MCF2L2: variants seen among roughly 807,000 people sequenced by gnomAD.
The protein encoded by MCF2L2 is probable guanine nucleotide exchange factor MCF2L2.
A neutral mutation model predicts 150.2 loss-of-function variants in MCF2L2; 102 were observed. The ratio of observed to expected loss-of-function variants is 0.68; its 90% CI spans 0.58 to 0.80. The LOEUF is 0.80. MCF2L2 is among the 30% of genes least tolerant of loss of function. MCF2L2 has a pLI of 0.00. For synonymous variants in MCF2L2, 465 were observed against 491.3 expected, an observed-to-expected ratio of 0.95 and a Z score of 0.71; for missense variants, 1,256 against 1,372.8, an observed-to-expected ratio of 0.91 and a Z score of 1.34.
intron 15 of MCF2L2, among the ~76,000 whole-genome samples, chr3:183,246,102 AAC>A (rs1159478215): frequency 1.3e-5 from 2 of 152,260 alleles, no homozygotes; most frequent in Non-Finnish European, 2.9e-5. Context: ...ATTGATCATA[AAC>A]ACAATCCTAT....
chr3:183,220,987 A>T (rs751469435), intron 20 of MCF2L2, among the ~76,000 whole-genome samples: 20 of 152,162 alleles, frequency 1.3e-4, no homozygotes, highest in Non-Finnish European at 2.2e-4. Context: ...TCTCCCCAAG[A>T]TCCCATGATC....
At chr3:183,205,372 C>T (rs1722436088) in intron 25 of MCF2L2, among the ~76,000 whole-genome samples, 1 of 152,004 alleles carries the variant, frequency 6.6e-6, no homozygotes. Context: ...AGCAAAAACT[C>T]CATCTCAAAA....
At chr3:183,222,293 T>A (rs963957098) in intron 20 of MCF2L2, among the ~76,000 whole-genome samples, 5 of 152,130 alleles carry the variant, frequency 3.3e-5, no homozygotes, top group African/African-American at 1.2e-4. Context: ...TAAGAAATAC[T>A]GTAATCCCAG....
At chr3:183,355,857 A>T (rs995914959) in intron 3 of MCF2L2, among the ~76,000 whole-genome samples, 5 of 152,050 alleles carry the variant, frequency 3.3e-5, no homozygotes, top group Non-Finnish European at 7.4e-5. Flanking sequence ...GATGCCCCAG[A>T]TTCTGCATTT....
At chr3:183,206,291 T>C in intron 23 of MCF2L2, 77 bp from the exon 24 acceptor site, 4 of 1,036,684 alleles carry the variant, frequency 3.9e-6, no homozygotes, top group Non-Finnish European at 6.0e-6. Flanking sequence ...ATCACTCTAA[T>C]CCTTTCTATC....
chr3:183,358,622 T>A (rs978711343), intron 3 of MCF2L2, among the ~76,000 whole-genome samples: 1 of 152,020 alleles, frequency 6.6e-6, no homozygotes, highest in Non-Finnish European at 1.5e-5. Flanking sequence ...TTACGGAAAA[T>A]TTTTTGTTGT....
chr3:183,401,983 A>G (rs1412995791), intron 1 of MCF2L2, among the ~76,000 whole-genome samples: 1 of 152,190 alleles, frequency 6.6e-6, no homozygotes, highest in Non-Finnish European at 1.5e-5. Flanking sequence ...GTGTATATTT[A>G]ACTTATAAGA....
intron 13 of MCF2L2, among the ~76,000 whole-genome samples, chr3:183,292,388 T>G (rs1728205681): frequency 6.6e-6 from 1 of 152,018 alleles, no homozygotes. Flanking sequence ...GACCCCGTTC[T>G]CCACAAAAAG....
At chr3:183,314,731 T>A (rs1180011210) in intron 7 of MCF2L2, among the ~76,000 whole-genome samples, 1 of 150,738 alleles carries the variant, frequency 6.6e-6, no homozygotes, top group Non-Finnish European at 1.5e-5. Context: ...GAAGAATGAA[T>A]CTTATAATAG....
chr3:183,371,080 A>G (rs1407272086), intron 3 of MCF2L2, among the ~76,000 whole-genome samples: 1 of 152,046 alleles, frequency 6.6e-6, no homozygotes, highest in Non-Finnish European at 1.5e-5. Context: ...TCCAGCGAAA[A>G]CCACACCTCA....
chr3:183,299,093 C>A (rs1370196325), intron 11 of MCF2L2: 1 of 152,392 alleles, frequency 6.6e-6, no homozygotes, highest in Non-Finnish European at 1.5e-5. Flanking sequence ...GCTGCTCCTG[C>A]TGACTGGGAA....
intron 15 of MCF2L2, chr3:183,276,561 A>C: frequency 3.5e-6 from 1 of 282,136 alleles, no homozygotes; most frequent in Non-Finnish European, 6.5e-6. Context: ...GAGACTTTAA[A>C]TGTGTTTAAA....
At chr3:183,318,449 G>A (rs557350425) in intron 6 of MCF2L2, among the ~76,000 whole-genome samples, 47 of 152,204 alleles carry the variant, frequency 3.1e-4, no homozygotes, top group African/African-American at 9.4e-4. Flanking sequence ...TACACTGAAC[G>A]TCAGTTTATT....
chr3:183,294,660 G>A lies in MCF2L2; in HGVS notation c.1675+640C>T, dbSNP rs1297894825. On this transcript the variant is annotated intron_variant, in intron 13 of 29. Coordinates refer to ENST00000328913, the MANE Select transcript of MCF2L2 (RefSeq NM_015078.4). ...TTTTTTTTTTTTGAGACGGAGTCTC[G>A]CTCTGTCACCCAGGATGGAGTGCAG... Among the ~76,000 whole-genome samples, 21 of 130,320 alleles carry A rather than the reference G, an allele frequency of 1.6e-4. 1 individual carries two copies. Among genetic ancestry groups the A allele is most frequent in the Non-Finnish European group, 2.0e-4 (13 of 63,842 alleles). The allele number at this position is 130,320 out of a possible 152,430, so 85.5% of individuals were successfully genotyped here.
chr3:183,394,408 CCCT>C (rs1714329747), intron 1 of MCF2L2, among the ~76,000 whole-genome samples: 1 of 152,210 alleles, frequency 6.6e-6, no homozygotes, highest in Non-Finnish European at 1.5e-5. Flanking sequence ...GCCCGCCCCA[CCCT>C]CCTACCTCCA....
At chr3:183,374,385 G>A (rs1713066421) in intron 3 of MCF2L2, 1 of 152,362 alleles carries the variant, frequency 6.6e-6, no homozygotes, top group South Asian at 2.1e-4. Flanking sequence ...TAGAAGCCAG[G>A]TCAGCTGGGC....
In MCF2L2 at chr3:183,318,056, C is replaced by T. The variant is rs767245195; in HGVS notation, c.753+12G>A. 1 of 1,612,476 alleles carries T rather than the reference C, an allele frequency of 6.2e-7. No homozygotes were observed. The stretch of plus-strand genomic sequence containing the variant: ...ACAGACACTGGCCTCTGAGAGGTCA[C>T]TGACCGCTCACCTGCAGCTTGTCCC... On this transcript the variant is annotated intron_variant, in intron 7 of 29. Coordinates refer to ENST00000328913, the MANE Select transcript of MCF2L2 (RefSeq NM_015078.4).
Position 183,255,537 on chromosome 3 carries a change from C to T in MCF2L2, c.1862+21335G>A, listed in dbSNP as rs762220638. Reference sequence around the variant, plus strand: ...GAGGCTGACTCAGGCTGACCCTTCCCGGCCCTGCAAGGCTCTAAGGTAGAA... The same window carrying T: ...GAGGCTGACTCAGGCTGACCCTTCCTGGCCCTGCAAGGCTCTAAGGTAGAA... On this transcript the variant is annotated intron_variant, in intron 15 of 29. Coordinates refer to ENST00000328913, the MANE Select transcript of MCF2L2 (RefSeq NM_015078.4). Among the ~76,000 whole-genome samples the T allele has an allele frequency of 3.1e-4, 47 of 152,274 alleles. 1 individual carries two copies. The highest frequency in any genetic ancestry group is 5.3e-4 in the Non-Finnish European group (36 of 68,032).
chr3:183,254,264 T>A (rs1724810843), intron 15 of MCF2L2: 1 of 151,414 alleles, frequency 6.6e-6, no homozygotes. Context: ...CGGGGGCGCG[T>A]GGCTGGCGTG....
Sources: allele counts gnomAD v4.1 joint callset (sites outside exome capture counted in the v4.1 genomes callset), GRCh38; gene constraint gnomAD v4.1.1; transcripts MANE v1.5; gene names NCBI Gene and HGNC (gene_info 2026-07-23, HGNC 2026-07-21).